RERE: variants seen among roughly 807,000 people sequenced by gnomAD.
RERE encodes the protein arginine-glutamic acid dipeptide repeats, also known as arginine-glutamic acid dipeptide repeats protein.
In RERE, 40 loss-of-function variants were observed where a neutral mutation model predicts 146.1. The ratio of observed to expected loss-of-function variants is 0.27; its 90% confidence interval spans 0.21 to 0.36. RERE has a LOEUF of 0.36. Among genes scored for constraint, RERE ranks in the 10% least tolerant of loss-of-function variants. The probability of loss-of-function intolerance (pLI) is 1.00; values close to 1 mark genes in which losing one functional copy is unlikely to be tolerated. For synonymous variants in RERE, 1,003 were observed against 866.0 expected (o/e 1.16, Z -2.78); for missense variants, 1,933 against 2,138.7 (o/e 0.90, Z 1.90).
At chr1:8,511,888 T>A (rs1204917503) in intron 7 of RERE, 1 of 151,400 alleles carries the variant, frequency 6.6e-6, no homozygotes, top group Non-Finnish European at 1.5e-5. Flanking sequence ...AGCACCCCCA[T>A]GAGGCTGCAG....
intron 4 of RERE, among the ~76,000 whole-genome samples, chr1:8,612,933 A>G (rs58784250): frequency 0.026 from 3,926 of 152,322 alleles, 155 homozygotes; most frequent in African/African-American, 0.089. Context: ...GAGAATTCCA[A>G]GGTTTCCATA....
chr1:8,444,246 C>CT (rs1644289408), intron 11 of RERE, among the ~76,000 whole-genome samples: 1 of 152,216 alleles, frequency 6.6e-6, no homozygotes, highest in Non-Finnish European at 1.5e-5. Flanking sequence ...TATTTTGGAG[C>CT]TTTAAGATTT....
At chr1:8,601,017 CTTTTTT>C (rs34455445) in intron 4 of RERE, among the ~76,000 whole-genome samples, 1,429 of 95,062 alleles carry the variant, frequency 0.015, 34 homozygotes, top group African/African-American at 0.057. Context: ...GTCTCCCAAA[CTTTTTT>C]TTTTTTTTTT....
chr1:8,692,725 C>CT (rs1444609960), intron 1 of RERE, among the ~76,000 whole-genome samples: 1 of 151,968 alleles, frequency 6.6e-6, no homozygotes, highest in African/African-American at 2.4e-5. Flanking sequence ...TTAATTTGTG[C>CT]TTTTTTCTAA....
In RERE at chr1:8,498,730, T is replaced by TACACAC. The variant is rs1357066114; in HGVS notation, c.880-1202_880-1201insGTGTGT. On this transcript the variant is annotated intron_variant, in intron 8 of 22. Transcript: ENST00000400908. ...AAAAATAAAAAAAAAAAAATAAATATATACACACACACACACACACACACA... is the reference window on the plus strand; with the variant it reads ...AAAAATAAAAAAAAAAAAATAAATATACACACATACACACACACACACACACACACA... Among the ~76,000 whole-genome samples the TACACAC allele has an allele frequency of 8.9e-3, 105 of 11,848 alleles. 1 individual carries two copies. Among genetic ancestry groups the TACACAC allele is most frequent in the South Asian group, 0.066 (18 of 274 alleles). The allele number at this position is 11,848 out of a possible 152,430, so 7.8% of individuals were successfully genotyped here.
intron 2 of RERE, among the ~76,000 whole-genome samples, chr1:8,654,212 T>G (rs1647799313): frequency 1.3e-5 from 2 of 152,106 alleles, no homozygotes; most frequent in South Asian, 4.2e-4. Context: ...AATTTTTTAC[T>G]GTTTTGCAGA....
At chr1:8,772,970 C>T (rs1640983164) in intron 1 of RERE, among the ~76,000 whole-genome samples, 1 of 151,928 alleles carries the variant, frequency 6.6e-6, no homozygotes, top group Admixed American at 6.6e-5. Flanking sequence ...GCATGTAATC[C>T]CAGCTACTTG....
intron 1 of RERE, among the ~76,000 whole-genome samples, chr1:8,691,741 T>C (rs750080764): frequency 2.6e-4 from 39 of 152,230 alleles, no homozygotes; most frequent in Non-Finnish European, 4.3e-4. Flanking sequence ...GGAGAGCCTA[T>C]CCAAATCATC....
At chr1:8,420,837 G>C (rs1220401397) in intron 12 of RERE, among the ~76,000 whole-genome samples, 1 of 152,182 alleles carries the variant, frequency 6.6e-6, no homozygotes, top group Non-Finnish European at 1.5e-5. Context: ...AAGACAACCA[G>C]AGAACTAGCT....
At chr1:8,590,724 GCA>G (rs1158311548) in intron 4 of RERE, 4 of 152,160 alleles carry the variant, frequency 2.6e-5, no homozygotes, top group Non-Finnish European at 4.4e-5. Flanking sequence ...AGGCTTCCAG[GCA>G]CACTGTCTGT....
At chr1:8,556,916 T>A (rs1646014551) in intron 5 of RERE, among the ~76,000 whole-genome samples, 1 of 152,166 alleles carries the variant, frequency 6.6e-6, no homozygotes, top group Non-Finnish European at 1.5e-5. Context: ...CCTGTCTTAT[T>A]TTTCTTGCTA....
At chr1:8,440,530 G>A (rs138323700) in intron 11 of RERE, among the ~76,000 whole-genome samples, 1,847 of 149,424 alleles carry the variant, frequency 0.012, 33 homozygotes, top group African/African-American at 0.042. Context: ...GTCAGAGGTC[G>A]CAGTAAGCCG....
intron 4 of RERE, among the ~76,000 whole-genome samples, chr1:8,575,561 A>ATATATATATATATATATT (rs1337650659): frequency 5.1e-5 from 5 of 98,680 alleles, no homozygotes; most frequent in African/African-American, 1.9e-4. Context: ...ATATATATAT[A>ATATATATATATATATATT]TTTTTTTTTT....
intron 12 of RERE, among the ~76,000 whole-genome samples, chr1:8,400,569 T>C (rs879662027): frequency 7.2e-5 from 11 of 152,266 alleles, no homozygotes; most frequent in South Asian, 2.1e-4. Context: ...TATATACTTT[T>C]CTATAAACAC....
chr1:8,683,669 G>A (rs1050774840), intron 1 of RERE, among the ~76,000 whole-genome samples: 10 of 152,136 alleles, frequency 6.6e-5, no homozygotes, highest in African/African-American at 1.9e-4. Context: ...TTGACCAGGC[G>A]CAGTGGCTCA....
intron 1 of RERE, among the ~76,000 whole-genome samples, chr1:8,700,008 T>C (rs1471709756): frequency 6.6e-6 from 1 of 152,162 alleles, no homozygotes; most frequent in Non-Finnish European, 1.5e-5. Flanking sequence ...TGCTCCTTTT[T>C]AAAAATGCAA....
At chr1:8,511,883 C>T (rs1301543558) in intron 7 of RERE, 2 of 151,816 alleles carry the variant, frequency 1.3e-5, no homozygotes, top group Non-Finnish European at 2.9e-5. Context: ...GAAAAAGCAC[C>T]CCCATGAGGC....
At chr1:8,397,356 A>G (rs1468216007) in intron 12 of RERE, among the ~76,000 whole-genome samples, 3 of 152,196 alleles carry the variant, frequency 2.0e-5, no homozygotes, top group Non-Finnish European at 4.4e-5. Context: ...GACTTTCACT[A>G]CGACTCTGAG....
chr1:8,496,573 C>T (rs1645048980), intron 9 of RERE, among the ~76,000 whole-genome samples: 1 of 152,088 alleles, frequency 6.6e-6, no homozygotes, highest in South Asian at 2.1e-4. Flanking sequence ...TGCCCTAATC[C>T]TTGCTTTCAT....
Sources: gnomAD v4.1 joint callset for allele counts (sites outside exome capture counted in the v4.1 genomes callset) on GRCh38, gnomAD v4.1.1 for gene constraint, MANE v1.5 for transcripts, NCBI Gene and HGNC (gene_info 2026-07-23, HGNC 2026-07-21) for gene names.